Variants in NECTIN3 observed in about 807,000 individuals in gnomAD.
NECTIN3 encodes the protein nectin cell adhesion molecule 3.
NECTIN3 carries 8 observed loss-of-function variants against 49.4 expected under a neutral mutation model. The ratio of observed to expected loss-of-function variants is 0.16; its 90% confidence interval spans 0.10 to 0.29. NECTIN3 has a LOEUF of 0.29. NECTIN3 is among the 10% of genes least tolerant of loss of function. The pLI is 1.00. For synonymous variants in NECTIN3, 277 were observed against 241.1 expected, an observed-to-expected ratio of 1.15 and a Z score of -1.38; for missense variants, 581 against 654.6, an observed-to-expected ratio of 0.89 and a Z score of 1.23.
Position 111,112,074 on chromosome 3 carries a change from G to A in NECTIN3, c.205G>A (p.Val69Ile). The A allele has an allele frequency of 6.2e-7, 1 of 1,613,542 alleles. No individual in the cohort carries two copies. The highest frequency in any genetic ancestry group is 8.5e-7 in the Non-Finnish European group (1 of 1,179,752). Residue 69 changes from valine (V) to isoleucine (I), a missense_variant, in exon 2 of 6, where the codon GTA becomes ATA. By Grantham distance (29) the Val-to-Ile change is conservative. This residue lies in a region of NECTIN3 where 234 missense variants were observed against 340.6 expected (regional missense o/e 0.69). Transcript: ENST00000485303. ...PIIVEPHVTA[V>I]WGKNVSLKCL... is the part of the protein sequence containing the mutation. The stretch of plus-strand genomic sequence containing the variant: ...TATTGTGGAGCCACATGTCACAGCA[G>A]TATGGGGAAAGAATGTTTCATTAAA...
At chr3:111,159,967 T>C (rs993161646) in intron 7 of NECTIN3, among the ~76,000 whole-genome samples, 1 of 152,234 alleles carries the variant, frequency 6.6e-6, no homozygotes, top group Non-Finnish European at 1.5e-5. Flanking sequence ...TTTAAAGTTC[T>C]CTGACTTGCT....
chr3:111,161,475 C>A (rs567840041), intron 7 of NECTIN3, among the ~76,000 whole-genome samples: 2 of 152,144 alleles, frequency 1.3e-5, no homozygotes, highest in African/African-American at 4.8e-5. Flanking sequence ...CCAACCCCCA[C>A]GTCACAGACC....
rs2034574862 is a variant in NECTIN3, at chr3:111,136,350, G to GT, written c.*2142dup. 2.0e-6 allele frequency: 2 copies of GT among 984,582 alleles called. No individual in the cohort carries two copies. Among genetic ancestry groups the GT allele is most frequent in the Non-Finnish European group, 2.4e-6 (2 of 829,430 alleles). The allele number at this position is 984,582 out of a possible 1,614,324, so 61.0% of individuals were successfully genotyped here. A position where few individuals can be genotyped will look rare whatever the true frequency, so the allele number is the denominator to read the frequency against. ...ACATTGTGGTTATTTGTGCGATTAG[G>GT]TTTTTTTGTTTGTTTCTTTTGTGTT... On this transcript the variant is annotated 3_prime_UTR_variant, in exon 6 of 6. Transcript: ENST00000485303.
exon 1 of NECTIN3, chr3:111,192,373 C>T (rs1487467629): frequency 7.2e-6 from 11 of 1,535,832 alleles, no homozygotes; most frequent in South Asian, 1.2e-5. Context: ...CCTTTGCAGA[C>T]TCAGTTCAAA....
intron 5 of NECTIN3, among the ~76,000 whole-genome samples, chr3:111,144,519 CTG>C (rs1425831434): frequency 1.3e-5 from 2 of 151,710 alleles, no homozygotes; most frequent in Non-Finnish European, 2.9e-5. Flanking sequence ...TGCTAAATGT[CTG>C]TATTACTGGT....
At chr3:111,078,334 G>A (rs548158153) in intron 1 of NECTIN3, among the ~76,000 whole-genome samples, 7 of 152,214 alleles carry the variant, frequency 4.6e-5, no homozygotes, top group African/African-American at 1.7e-4. Flanking sequence ...TGCATACAGT[G>A]AGCATGCAAT....
At chr3:111,165,753 A>G (rs2035307092) in intron 7 of NECTIN3, among the ~76,000 whole-genome samples, 1 of 152,188 alleles carries the variant, frequency 6.6e-6, no homozygotes, top group South Asian at 2.1e-4. Context: ...TAGTTGCACA[A>G]TGGGAGGCTA....
chr3:111,110,062 A>G (rs1417390352), intron 1 of NECTIN3, among the ~76,000 whole-genome samples: 1 of 152,074 alleles, frequency 6.6e-6, no homozygotes, highest in Non-Finnish European at 1.5e-5. Flanking sequence ...TACATTTTGC[A>G]TATGTTTATA....
At chr3:111,124,550 C>A (rs1489735124) in intron 4 of NECTIN3, among the ~76,000 whole-genome samples, 3 of 152,120 alleles carry the variant, frequency 2.0e-5, no homozygotes, top group African/African-American at 7.2e-5. Flanking sequence ...CCGATACTTG[C>A]AAAAATTTTC....
intron 7 of NECTIN3, among the ~76,000 whole-genome samples, chr3:111,153,609 G>A (rs565966156): frequency 1.0e-3 from 154 of 152,104 alleles, no homozygotes; most frequent in Non-Finnish European, 1.9e-3. Flanking sequence ...TTAAAAAGCT[G>A]TATAATTCCT....
At chr3:111,079,602 G>A (rs1292077343) in intron 1 of NECTIN3, among the ~76,000 whole-genome samples, 2 of 151,628 alleles carry the variant, frequency 1.3e-5, no homozygotes, top group African/African-American at 4.8e-5. Flanking sequence ...AGAATCAAGT[G>A]GAAGAAGGCA....
chr3:111,079,826 C>CTTA (rs1418370089), intron 1 of NECTIN3, among the ~76,000 whole-genome samples: 2 of 151,912 alleles, frequency 1.3e-5, no homozygotes, highest in East Asian at 3.9e-4. Flanking sequence ...TTAATGTCAA[C>CTTA]TTATATAGTA....
intron 1 of NECTIN3, among the ~76,000 whole-genome samples, chr3:111,100,099 G>T (rs1026874512): frequency 6.6e-6 from 1 of 152,058 alleles, no homozygotes; most frequent in Non-Finnish European, 1.5e-5. Flanking sequence ...GACCTTAGAA[G>T]TACGTGTGTT....
intron 5 of NECTIN3, among the ~76,000 whole-genome samples, chr3:111,143,633 G>A (rs996119783): frequency 1.3e-5 from 2 of 151,878 alleles, no homozygotes; most frequent in Admixed American, 6.6e-5. Context: ...TAACTTTGCC[G>A]TGTCTGGGTC....
Position 111,136,626 on chromosome 3 carries a change from G to T in NECTIN3, c.*2411G>T. 4 of 909,066 alleles carry T rather than the reference G, an allele frequency of 4.4e-6. No individual in the cohort carries two copies. Among genetic ancestry groups the T allele is most frequent in the Non-Finnish European group, 5.3e-6 (4 of 760,870 alleles). The allele number at this position is 909,066 out of a possible 1,614,324, so 56.3% of individuals were successfully genotyped here. A position where few individuals can be genotyped will look rare whatever the true frequency, so the allele number is the denominator to read the frequency against. On this transcript the variant is annotated 3_prime_UTR_variant, in exon 6 of 6. Coordinates refer to ENST00000485303, the MANE Select transcript of NECTIN3 (RefSeq NM_015480.3). ...TTGTTAAATTAGTTTTTGAATACCA[G>T]TGATATTCATAACTACTTGACAGGT...
Position 111,135,749 on chromosome 3 carries a change from A to G in NECTIN3, c.*1534A>G, listed in dbSNP as rs1173577097. 1.4e-5 allele frequency: 13 copies of G among 961,642 alleles called. No individual in the cohort carries two copies. The Admixed American group carries it at 7.4e-4, about 55-fold the overall frequency. 59.6% of individuals were successfully genotyped at this position (961,642 alleles called of 1,614,324 possible). A position where few individuals can be genotyped will look rare whatever the true frequency, so the allele number is the denominator to read the frequency against. On this transcript the variant is annotated 3_prime_UTR_variant, in exon 6 of 6. Transcript: ENST00000485303. ...CAAATCTAAAACATTTAGGGGGCAAAATTCTAACATGTTCATGGTATCTTG... is the reference window on the plus strand; with the variant it reads ...CAAATCTAAAACATTTAGGGGGCAAGATTCTAACATGTTCATGGTATCTTG...
downstream of NECTIN3, among the ~76,000 whole-genome samples, chr3:111,139,146 G>T (rs1453157864): frequency 6.6e-6 from 1 of 151,586 alleles, no homozygotes. Flanking sequence ...TCAGTATATA[G>T]CTTTGAAAAA....
At chr3:111,180,530 T>C (rs2035607870) in intron 7 of NECTIN3, among the ~76,000 whole-genome samples, 1 of 152,206 alleles carries the variant, frequency 6.6e-6, no homozygotes, top group Non-Finnish European at 1.5e-5. Flanking sequence ...CATAACTATT[T>C]AAAAAAGTGA....
intron 7 of NECTIN3, among the ~76,000 whole-genome samples, chr3:111,179,497 T>A (rs186482125): frequency 6.6e-6 from 1 of 152,206 alleles, no homozygotes; most frequent in Admixed American, 6.5e-5. Flanking sequence ...TGTCATTCTC[T>A]TAGTGGGTTA....
Sources: allele counts gnomAD v4.1 joint callset (sites outside exome capture counted in the v4.1 genomes callset), GRCh38; gene constraint gnomAD v4.1.1; regional missense constraint gnomAD v4.1.1; transcripts MANE v1.5; gene names NCBI Gene and HGNC (gene_info 2026-07-23, HGNC 2026-07-21).